Variants in LAMC2 observed in about 807,000 individuals in gnomAD.
LAMC2 encodes laminin subunit gamma-2.
LAMC2 carries 97 observed loss-of-function variants against 140.2 expected under a neutral mutation model. The observed-to-expected ratio is 0.69, with a 90% CI of 0.59 to 0.82. LAMC2 has a LOEUF of 0.82. LAMC2 is among the 40% of genes least tolerant of loss of function. LAMC2 has a pLI of 0.00. For missense variants in LAMC2, 1,402 were observed against 1,476.1 expected (o/e 0.95, Z 0.82); for synonymous variants, 513 against 540.2 (o/e 0.95, Z 0.70).
At chr1:183,221,882 G>A (rs931242226) in intron 5 of LAMC2, among the ~76,000 whole-genome samples, 3 of 152,126 alleles carry the variant, frequency 2.0e-5, no homozygotes, top group Non-Finnish European at 2.9e-5. Flanking sequence ...AGAAATCATA[G>A]CAGCTGCGGG....
intron 6 of LAMC2, 61 bp from the exon 7 acceptor site, chr1:183,223,074 G>T: frequency 6.7e-7 from 1 of 1,503,556 alleles, no homozygotes; most frequent in African/African-American, 1.4e-5. Context: ...GTGCAAACTT[G>T]CATGTGTTTG....
intron 1 of LAMC2, among the ~76,000 whole-genome samples, chr1:183,198,432 C>T (rs1454717814): frequency 6.6e-6 from 1 of 152,084 alleles, no homozygotes; most frequent in South Asian, 2.1e-4. Flanking sequence ...CGTGAGCCAC[C>T]GTGCCGGGCT....
intron 22 of LAMC2, 24 bp downstream of exon 22, chr1:183,240,415 C>T (rs1159428859): frequency 6.2e-7 from 1 of 1,613,762 alleles, no homozygotes. Flanking sequence ...CAACCCACAA[C>T]CTTCCAGCTC....
chr1:183,195,078 T>G (rs982426709), intron 1 of LAMC2, among the ~76,000 whole-genome samples: 1 of 152,132 alleles, frequency 6.6e-6, no homozygotes, highest in African/African-American at 2.4e-5. Flanking sequence ...GACTGAACCC[T>G]CAGTTTTACC....
rs200174773 is a variant in LAMC2 at position 183,225,609 on chromosome 1, T to C, written c.955T>C (p.Leu319=). The C allele has an allele frequency of 6.3e-5, 101 of 1,603,860 alleles. 1 individual carries two copies. The South Asian group carries it at 7.8e-4, about 12-fold the overall frequency. ...CGLTKTYTFR[L]NEHPSNNWSP... ...AGCTTTTGATTTTAAATTATGCAGG[T>C]TAAATGAGCATCCAAGCAATAATTG... is the stretch of plus-strand genomic sequence containing the variant. Residue 319 remains leucine (L), a splice_region_variant and synonymous_variant, in exon 8 of 23, where the codon TTA becomes CTA. Coordinates refer to ENST00000264144, the MANE Select transcript of LAMC2 (RefSeq NM_005562.3).
At chr1:183,258,889 A>G in the LAMC2 span, among the ~76,000 whole-genome samples, 15 of 152,282 alleles carry the variant, frequency 9.9e-5, no homozygotes, top group African/African-American at 3.6e-4. Flanking sequence ...TCCCCAACCC[A>G]TGAAGTTTTC....
chr1:183,191,342 G>T (rs594026), intron 1 of LAMC2, among the ~76,000 whole-genome samples: 47,564 of 151,918 alleles, frequency 0.31, 7,812 homozygotes, highest in East Asian at 0.44. Flanking sequence ...GGCAGCCACT[G>T]GTTCAGCCTC....
At chr1:183,239,907 T>G (rs1660078123) in intron 20 of LAMC2, 133 bp from the exon 21 acceptor site, 95 of 974,066 alleles carry the variant, frequency 9.8e-5, no homozygotes, top group Non-Finnish European at 1.3e-4. Context: ...CTAAGTCTGA[T>G]TCTCTCATTA....
Position 183,231,045 on chromosome 1 carries a change from C to A in LAMC2, c.1799C>A (p.Pro600His). 12 of 1,614,096 alleles carry A rather than the reference C, an allele frequency of 7.4e-6. No individual in the cohort carries two copies. The highest frequency in any genetic ancestry group is 9.3e-6 in the Non-Finnish European group (11 of 1,179,998). ...TCVCKPGFGG[P>H]NCEHGAFSCP... The stretch of plus-strand genomic sequence containing the variant: ...GTTTGCAAGCCAGGATTTGGTGGCC[C>A]CAACTGTGAGCATGGAGCATTCAGC... Residue 600 changes from proline (P) to histidine (H), a missense_variant, in exon 12 of 23, where the codon CCC becomes CAC. Physicochemically the swap from Pro to His is moderately conservative, Grantham distance 77. Coordinates refer to ENST00000264144, the MANE Select transcript of LAMC2 (RefSeq NM_005562.3).
At chr1:183,206,849 T>C (rs1437844008) in intron 1 of LAMC2, among the ~76,000 whole-genome samples, 1 of 151,778 alleles carries the variant, frequency 6.6e-6, no homozygotes, top group African/African-American at 2.4e-5. Flanking sequence ...GGAAGGGAGG[T>C]TGGTGTTCGC....
intron 1 of LAMC2, among the ~76,000 whole-genome samples, chr1:183,188,706 TC>T (rs1179858670): frequency 3.3e-5 from 5 of 152,212 alleles, no homozygotes; most frequent in Non-Finnish European, 7.3e-5. Flanking sequence ...TGTAGTGAAT[TC>T]ATTTGCCCAG....
rs142331667 is a variant in LAMC2, at chr1:183,243,350, G to A, written c.3532G>A (p.Asp1178Asn). Residue 1178 changes from aspartate (D) to asparagine (N), a missense_variant, in exon 23 of 23, where the codon GAC becomes AAC. This residue lies in a region of LAMC2 where 670 missense variants were observed against 667.2 expected (regional missense o/e 1.00). Coordinates refer to ENST00000264144, the MANE Select transcript of LAMC2 (RefSeq NM_005562.3). ...ADVKNLENIR[D>N]NLPPGCYNTQ... ...TGTGAAGAACTTGGAGAACATTAGG[G>A]ACAACCTGCCCCCAGGCTGCTACAA... is the stretch of plus-strand genomic sequence containing the variant. The A allele has an allele frequency of 9.9e-6, 16 of 1,614,072 alleles. No individual in the cohort carries two copies. The highest frequency in any genetic ancestry group is 1.3e-5 in the African/African-American group (1 of 74,918).
At position 183,223,122 on chromosome 1, in the gene LAMC2, C is replaced by T. The variant is rs1558090944; in HGVS notation, c.764-13C>T. 6 of 1,613,432 alleles carry T rather than the reference C, an allele frequency of 3.7e-6. No individual in the cohort carries two copies. In the African/African-American group the frequency reaches 4.0e-5, roughly 11 times the overall value. ...CACAACTGATCTCAATCTTTTAAAACTCTGTTTCACAGCCAAATTTCTTGG... is the reference window on the plus strand; with the variant it reads ...CACAACTGATCTCAATCTTTTAAAATTCTGTTTCACAGCCAAATTTCTTGG... On this transcript the variant is annotated splice_polypyrimidine_tract_variant and intron_variant, in intron 6 of 22. Coordinates refer to ENST00000264144, the MANE Select transcript of LAMC2 (RefSeq NM_005562.3).
chr1:183,204,732 A>T (rs529269121), intron 1 of LAMC2, among the ~76,000 whole-genome samples: 1 of 152,352 alleles, frequency 6.6e-6, no homozygotes, highest in African/African-American at 2.4e-5. Flanking sequence ...AAAGATTATA[A>T]CAAGTTTATA....
intron 1 of LAMC2, among the ~76,000 whole-genome samples, chr1:183,200,981 G>A (rs1658688869): frequency 6.6e-6 from 1 of 152,210 alleles, no homozygotes; most frequent in African/African-American, 2.4e-5. Flanking sequence ...AGAAATCTGT[G>A]AAAATCTGAC....
chr1:183,237,600 C>A, intron 18 of LAMC2, 96 bp downstream of exon 18: 1 of 1,216,850 alleles, frequency 8.2e-7, no homozygotes, highest in South Asian at 1.3e-5. Flanking sequence ...GCTCTCTGAC[C>A]AGGCACGGTG....
At chr1:183,255,911 G>A in the LAMC2 span, among the ~76,000 whole-genome samples, 1 of 151,742 alleles carries the variant, frequency 6.6e-6, no homozygotes, top group African/African-American at 2.4e-5. Context: ...TGATCCACCT[G>A]CCTCCGCCTC....
Position 183,231,018 on chromosome 1 carries a change from G to A in LAMC2, c.1772G>A (p.Cys591Tyr). ...GTAGGATGTCGAAGTGATGGCACCT[G>A]TGTTTGCAAGCCAGGATTTGGTGGC... ...EPVGCRSDGT[C>Y]VCKPGFGGPN... Residue 591 changes from cysteine (C) to tyrosine (Y), a missense_variant, in exon 12 of 23, where the codon TGT (cysteine) becomes TAT (tyrosine). Cys to Tyr is a radical substitution (Grantham distance 194). Around this residue, in one of 3 missense-constraint regions of LAMC2, gnomAD observed 723 missense variants for 783.3 expected, o/e 0.92. Coordinates refer to ENST00000264144, the MANE Select transcript of LAMC2 (RefSeq NM_005562.3). 6.2e-7 allele frequency: 1 copy of A among 1,614,188 alleles called. No homozygotes were observed. Among genetic ancestry groups the A allele is most frequent in the Non-Finnish European group, 8.5e-7 (1 of 1,180,032 alleles).
chr1:183,223,063 A>C (rs1558090920), intron 6 of LAMC2, 72 bp from the exon 7 acceptor site: 2 of 1,411,306 alleles, frequency 1.4e-6, no homozygotes, highest in East Asian at 4.6e-5. Context: ...TGCCGACACC[A>C]GTGCAAACTT....
Sources: allele counts gnomAD v4.1 joint callset (sites outside exome capture counted in the v4.1 genomes callset), GRCh38; gene constraint gnomAD v4.1.1; regional missense constraint gnomAD v4.1.1; transcripts MANE v1.5; gene names NCBI Gene and HGNC (gene_info 2026-07-23, HGNC 2026-07-21).